The following HPS4 variants were observed in gnomAD, a reference collection of about 807,000 sequenced individuals.
HPS4 encodes HPS4 biogenesis of lysosomal organelles complex 3 subunit 2.
Under a neutral mutation model 70.3 loss-of-function variants are expected in HPS4, and 44 were observed. The ratio of observed to expected loss-of-function variants is 0.63; its 90% CI spans 0.49 to 0.80. HPS4 has a LOEUF of 0.80. Ranked by LOEUF, HPS4 falls within the 30% of genes least tolerant of loss-of-function variation. The pLI, the probability that HPS4 is intolerant of heterozygous loss-of-function variation, is 0.00. For missense variants in HPS4, 873 were observed against 884.4 expected (o/e 0.99, Z 0.16); for synonymous variants, 377 against 355.9 (o/e 1.06, Z -0.67).
chr22:26,467,863 G>A (rs1189842913), intron 8 of HPS4: 2 of 151,948 alleles, frequency 1.3e-5, no homozygotes, highest in Admixed American at 1.3e-4. Flanking sequence ...AATATAAAAT[G>A]GAAGTATTTT....
At chr22:26,456,103 T>C (rs916344604) in intron 13 of HPS4, among the ~76,000 whole-genome samples, 1 of 152,218 alleles carries the variant, frequency 6.6e-6, no homozygotes, top group Non-Finnish European at 1.5e-5. Context: ...GCAGAACACC[T>C]GGCGCTCAAG....
intron 3 of HPS4, among the ~76,000 whole-genome samples, chr22:26,478,777 G>A (rs1019811884): frequency 1.3e-5 from 2 of 151,632 alleles, no homozygotes; most frequent in Non-Finnish European, 2.9e-5. Flanking sequence ...TCTGCCTCCT[G>A]GATTCAAGCG....
chr22:26,444,503 G>A (rs1317845781), exon 4 of HPS4: 1 of 152,228 alleles, frequency 6.6e-6, no homozygotes, highest in South Asian at 2.1e-4. Context: ...ACTCACTCTA[G>A]AAATAGCCTG....
intron 3 of HPS4, among the ~76,000 whole-genome samples, chr22:26,478,476 CAGG>C (rs895751522): frequency 8.2e-5 from 12 of 146,110 alleles, no homozygotes; most frequent in Non-Finnish European, 1.6e-4. Context: ...GAGGTTGAGG[CAGG>C]AGAATGGCAT....
chr22:26,468,645 A>G, intron 7 of HPS4, 22 bp from the exon 8 acceptor site: 1 of 1,608,954 alleles, frequency 6.2e-7, no homozygotes, highest in Non-Finnish European at 8.5e-7. Flanking sequence ...CACACAGAAC[A>G]AGAACACCAT....
intron 11 of HPS4, among the ~76,000 whole-genome samples, chr22:26,460,336 A>AAC (rs1317705575): frequency 1.3e-5 from 2 of 152,272 alleles, no homozygotes; most frequent in East Asian, 3.8e-4. Context: ...GAGCCTGACC[A>AAC]ACACTGCGTT....
chr22:26,483,521 G>A lies in HPS4; in HGVS notation c.-479+153C>T, dbSNP rs1389116160. On this transcript the variant is annotated intron_variant, in intron 1 of 13. Transcript: ENST00000398145. The stretch of plus-strand genomic sequence containing the variant: ...AGCCCCCGGGGCGCAGGCAGCGACT[G>A]GTAACAGCACTAGGGCTGTGCGGTG... Among the ~76,000 whole-genome samples, 5 of 152,280 alleles carry A rather than the reference G, an allele frequency of 3.3e-5. No homozygotes were observed. The East Asian group carries it at 7.8e-4, about 24-fold the overall frequency.
chr22:26,476,843 A>T, intron 4 of HPS4, 150 bp downstream of exon 4: 1 of 783,372 alleles, frequency 1.3e-6, no homozygotes, highest in Non-Finnish European at 2.2e-6. Context: ...ACCTGCAGAG[A>T]GTACCACAGG....
chr22:26,454,633 A>C (rs2085764959), intron 13 of HPS4, among the ~76,000 whole-genome samples: 1 of 152,260 alleles, frequency 6.6e-6, no homozygotes, highest in Non-Finnish European at 1.5e-5. Context: ...AAACCCTAGA[A>C]GAAAACCTAG....
downstream of HPS4, among the ~76,000 whole-genome samples, chr22:26,448,313 C>T (rs1243774393): frequency 1.3e-5 from 2 of 152,236 alleles, no homozygotes; most frequent in East Asian, 3.8e-4. Flanking sequence ...GAAAAGGACA[C>T]TGAGGCTCAG....
intron 6 of HPS4, 176 bp from the exon 7 acceptor site, chr22:26,470,989 T>C (rs1376767871): frequency 1.5e-6 from 2 of 1,354,714 alleles, no homozygotes; most frequent in Non-Finnish European, 2.1e-6. Flanking sequence ...TACCTCTCTA[T>C]ACTCAGAACT....
intron 1 of HPS4, among the ~76,000 whole-genome samples, 162 bp downstream of exon 1, chr22:26,483,498 CCCCCGGGGCGCAGG>C (rs1483933223): frequency 6.6e-6 from 1 of 152,252 alleles, no homozygotes; most frequent in African/African-American, 2.4e-5. Flanking sequence ...CTGGGCGCAG[CCCCCGGGGCGCAGG>C]CAGCGACTGG....
intron 11 of HPS4, among the ~76,000 whole-genome samples, chr22:26,461,187 A>C (rs1450963696): frequency 6.6e-6 from 1 of 152,234 alleles, no homozygotes; most frequent in Non-Finnish European, 1.5e-5. Context: ...ACACACATTC[A>C]CTTAGAGATA....
Position 26,453,104 on chromosome 22 carries a change from T to C in HPS4, c.*129A>G. ...AATCTGCAAAAGGAATAACAAAAAC[T>C]CAAATATCATTTGGTTCCTAAAAAA... On this transcript the variant is annotated 3_prime_UTR_variant, in exon 14 of 14. Transcript: ENST00000398145. 1 of 1,048,302 alleles carries C rather than the reference T, an allele frequency of 9.5e-7. No homozygotes were observed. Among genetic ancestry groups the C allele is most frequent in the Non-Finnish European group, 1.4e-6 (1 of 704,364 alleles). 64.9% of individuals were successfully genotyped at this position (1,048,302 alleles called of 1,614,324 possible).
At chr22:26,455,319 T>C (rs1455794670) in intron 13 of HPS4, among the ~76,000 whole-genome samples, 5 of 147,064 alleles carry the variant, frequency 3.4e-5, no homozygotes, top group Non-Finnish European at 4.5e-5. Flanking sequence ...ATAGCAAAGA[T>C]TTGGAACCAA....
downstream of HPS4, among the ~76,000 whole-genome samples, chr22:26,449,973 T>C (rs1216946290): frequency 2.0e-5 from 3 of 152,236 alleles, no homozygotes; most frequent in Non-Finnish European, 4.4e-5. Flanking sequence ...TTCTGGCACC[T>C]GGTGGCTGCT....
intron 8 of HPS4, 110 bp from the exon 9 acceptor site, chr22:26,466,372 A>G (rs1344230947): frequency 4.0e-6 from 5 of 1,235,068 alleles, no homozygotes; most frequent in Non-Finnish European, 5.8e-6. Context: ...CAGGCCCAGA[A>G]AGCTTGTCCC....
downstream of HPS4, among the ~76,000 whole-genome samples, chr22:26,448,496 G>A (rs2085030332): frequency 6.6e-6 from 1 of 152,226 alleles, no homozygotes; most frequent in Admixed American, 6.5e-5. Flanking sequence ...CTCGGTAGAG[G>A]ACTTGTCTCC....
downstream of HPS4, among the ~76,000 whole-genome samples, chr22:26,446,248 TAGA>T (rs150860677): frequency 0.013 from 1,929 of 152,246 alleles, 36 homozygotes; most frequent in African/African-American, 0.043. Context: ...TTACTATTTG[TAGA>T]AGGTCACACC....
Sources: allele counts gnomAD v4.1 joint callset (sites outside exome capture counted in the v4.1 genomes callset), GRCh38; gene constraint gnomAD v4.1.1; transcripts MANE v1.5; gene names NCBI Gene and HGNC (gene_info 2026-07-23, HGNC 2026-07-21).